SLCO4C1: variants seen among roughly 807,000 people sequenced by gnomAD.
SLCO4C1 encodes the protein organic anion transporter M1.
A neutral mutation model predicts 72.1 loss-of-function variants in SLCO4C1; 58 were observed. That is an observed-to-expected ratio of 0.80 (90% CI 0.65 to 1.00). SLCO4C1 has a LOEUF of 1.00. Among genes scored for constraint, SLCO4C1 ranks in the 50% least tolerant of loss-of-function variants. The pLI is 0.00. For synonymous variants in SLCO4C1, 297 were observed against 312.5 expected, an observed-to-expected ratio of 0.95 and a Z score of 0.52; for missense variants, 898 against 857.9, an observed-to-expected ratio of 1.05 and a Z score of -0.58.
intron 12 of SLCO4C1, among the ~76,000 whole-genome samples, chr5:102,238,773 G>T (rs1468017473): frequency 6.6e-6 from 1 of 151,962 alleles, no homozygotes; most frequent in Non-Finnish European, 1.5e-5. Flanking sequence ...ATTACAAACT[G>T]CAAAAGGCAA....
rs1748428357 is a variant in SLCO4C1, at chr5:102,236,127, A to G, written c.*731T>C. 1 of 152,214 alleles carries G rather than the reference A, an allele frequency of 6.6e-6. No individual in the cohort carries two copies. The highest frequency in any genetic ancestry group is 1.5e-5 in the Non-Finnish European group (1 of 68,038). The allele number at this position is 152,214 out of a possible 1,614,324, so 9.4% of individuals were successfully genotyped here. Reference sequence around the variant, plus strand: ...TATCACAGAATCATAAATGTGTTAAAAATTGTAATATCAACAAATTACCTC... The same window carrying G: ...TATCACAGAATCATAAATGTGTTAAGAATTGTAATATCAACAAATTACCTC... On this transcript the variant is annotated 3_prime_UTR_variant, in exon 13 of 13. Transcript: ENST00000310954.
At position 102,263,678 on chromosome 5, in the gene SLCO4C1, C is replaced by T. The variant is rs746127211; in HGVS notation, c.899+6G>A. 6.2e-7 allele frequency: 1 copy of T among 1,606,300 alleles called. No individual in the cohort carries two copies. The highest frequency in any genetic ancestry group is 8.5e-7 in the Non-Finnish European group (1 of 1,175,654). ...TTAAATAAAAGAAAAATAGATACTG[C>T]CTTGCCTTTCTCCCATAGCAACATC... On this transcript the variant is annotated splice_donor_region_variant and intron_variant, in intron 4 of 12. Coordinates refer to ENST00000310954, the MANE Select transcript of SLCO4C1 (RefSeq NM_180991.5).
At chr5:102,262,837 C>T (rs1196022497) in intron 4 of SLCO4C1, among the ~76,000 whole-genome samples, 3 of 152,142 alleles carry the variant, frequency 2.0e-5, no homozygotes, top group Non-Finnish European at 4.4e-5. Context: ...CTTCTGCATG[C>T]CTTTTTATAG....
At chr5:102,292,548 C>T (rs1306516418) in intron 1 of SLCO4C1, among the ~76,000 whole-genome samples, 1 of 152,108 alleles carries the variant, frequency 6.6e-6, no homozygotes, top group Non-Finnish European at 1.5e-5. Flanking sequence ...AACATTCTTA[C>T]AGATATTAAA....
In SLCO4C1 at chr5:102,235,309, C is replaced by T. The variant is rs975959666; in HGVS notation, c.*1549G>A. 9 of 152,116 alleles carry T rather than the reference C, an allele frequency of 5.9e-5. No homozygotes were observed. Among genetic ancestry groups the T allele is most frequent in the Non-Finnish European group, 1.3e-4 (9 of 68,020 alleles). The allele number at this position is 152,116 out of a possible 1,614,324, so 9.4% of individuals were successfully genotyped here. A position where few individuals can be genotyped will look rare whatever the true frequency, so the allele number is the denominator to read the frequency against. ...CTAGGAGAAAGCTTATAGGGGAAAC[C>T]TGATGATGAATTTTATTAAATTAAT... is the stretch of plus-strand genomic sequence containing the variant. On this transcript the variant is annotated 3_prime_UTR_variant, in exon 13 of 13. Coordinates refer to ENST00000310954, the MANE Select transcript of SLCO4C1 (RefSeq NM_180991.5).
chr5:102,262,611 T>C (rs1340657337), intron 4 of SLCO4C1, among the ~76,000 whole-genome samples: 1 of 152,100 alleles, frequency 6.6e-6, no homozygotes, highest in Non-Finnish European at 1.5e-5. Context: ...TAGCTGGGAC[T>C]TCAGGCACAA....
intron 2 of SLCO4C1, among the ~76,000 whole-genome samples, chr5:102,279,968 A>C (rs1234035445): frequency 6.6e-6 from 1 of 151,932 alleles, no homozygotes; most frequent in Admixed American, 6.6e-5. Context: ...TATTTATAAA[A>C]ACATGCAGCA....
intron 10 of SLCO4C1, among the ~76,000 whole-genome samples, 163 bp downstream of exon 10, chr5:102,247,089 G>A (rs956990325): frequency 3.9e-5 from 6 of 152,068 alleles, no homozygotes; most frequent in Non-Finnish European, 7.4e-5. Flanking sequence ...TACATCTGGG[G>A]TTCTACAGAG....
At position 102,249,407 on chromosome 5, in the gene SLCO4C1, C is replaced by A. The variant is rs147883094; in HGVS notation, c.1620+231G>T. Among the ~76,000 whole-genome samples, 206 of 152,194 alleles carry A rather than the reference C, an allele frequency of 1.4e-3. 3 individuals carry two copies. The East Asian group carries it at 0.031, about 23-fold the overall frequency. ...AAAGGTAAAAGATATTTCATAACTG[C>A]AACAAAGTGATGTTACTAAAATGTT... On this transcript the variant is annotated intron_variant, in intron 9 of 12. Coordinates refer to ENST00000310954, the MANE Select transcript of SLCO4C1 (RefSeq NM_180991.5).
At position 102,235,000 on chromosome 5, in the gene SLCO4C1, A is replaced by G. The variant is rs1456371241; in HGVS notation, c.*1858T>C. 1 of 152,026 alleles carries G rather than the reference A, an allele frequency of 6.6e-6. No homozygotes were observed. The highest frequency in any genetic ancestry group is 1.5e-5 in the Non-Finnish European group (1 of 68,016). 9.4% of individuals were successfully genotyped at this position (152,026 alleles called of 1,614,324 possible). A position where few individuals can be genotyped will look rare whatever the true frequency, so the allele number is the denominator to read the frequency against. ...TTTGGCTTCCGTCTTTGGTGTTTAT[A>G]TCTGTCTGGTTTTAGCAGGTCTCTC... On this transcript the variant is annotated 3_prime_UTR_variant, in exon 13 of 13. Coordinates refer to ENST00000310954, the MANE Select transcript of SLCO4C1 (RefSeq NM_180991.5).
At chr5:102,280,306 C>T (rs572658899) in intron 2 of SLCO4C1, among the ~76,000 whole-genome samples, 1 of 151,336 alleles carries the variant, frequency 6.6e-6, no homozygotes, top group Non-Finnish European at 1.5e-5. Context: ...CATATACTGG[C>T]AATGAACATA....
chr5:102,242,630 C>T (rs1462762864), intron 10 of SLCO4C1, among the ~76,000 whole-genome samples: 1 of 152,120 alleles, frequency 6.6e-6, no homozygotes, highest in Non-Finnish European at 1.5e-5. Flanking sequence ...GAAGGAAATA[C>T]ACCAGTCCTG....
intron 2 of SLCO4C1, among the ~76,000 whole-genome samples, chr5:102,288,971 G>A (rs1402282317): frequency 6.6e-6 from 1 of 152,108 alleles, no homozygotes; most frequent in Admixed American, 6.6e-5. Flanking sequence ...TTTTACTGGT[G>A]TTATCTCAAC....
At chr5:102,285,937 T>C (rs929085584) in intron 2 of SLCO4C1, among the ~76,000 whole-genome samples, 22 of 152,136 alleles carry the variant, frequency 1.4e-4, no homozygotes, top group African/African-American at 4.8e-4. Context: ...TGAAAACCTC[T>C]AAAATTCTTT....
At position 102,233,988 on chromosome 5, in the gene SLCO4C1, T is replaced by C. The variant is rs139650162; in HGVS notation, c.*2870A>G. On this transcript the variant is annotated 3_prime_UTR_variant, in exon 13 of 13. Transcript: ENST00000310954. ...TTTAATAAGCTCAAACACGACAATT[T>C]TGTATAAACATTCTGATTTAATAAA... is the stretch of plus-strand genomic sequence containing the variant. 4 of 152,248 alleles carry C rather than the reference T, an allele frequency of 2.6e-5. No individual in the cohort carries two copies. In the East Asian group the frequency reaches 7.7e-4, roughly 29 times the overall value. The allele number at this position is 152,248 out of a possible 1,614,324, so 9.4% of individuals were successfully genotyped here. A position where few individuals can be genotyped will look rare whatever the true frequency, so the allele number is the denominator to read the frequency against.
At chr5:102,263,582 C>T in intron 4 of SLCO4C1, 102 bp downstream of exon 4, 4 of 834,862 alleles carry the variant, frequency 4.8e-6, no homozygotes, top group Non-Finnish European at 7.4e-6. Context: ...AATAATTCCT[C>T]ATGCTATACT....
chr5:102,295,623 TG>T (rs1561384958), intron 1 of SLCO4C1, among the ~76,000 whole-genome samples: 1 of 152,256 alleles, frequency 6.6e-6, no homozygotes, highest in Non-Finnish European at 1.5e-5. Context: ...TAATCTTCCC[TG>T]TAAGTCTTGA....
At chr5:102,258,670 T>C (rs1382972625) in intron 6 of SLCO4C1, among the ~76,000 whole-genome samples, 1 of 152,056 alleles carries the variant, frequency 6.6e-6, no homozygotes, top group Non-Finnish European at 1.5e-5. Context: ...TGTTAATACA[T>C]TTAACCACAA....
chr5:102,258,229 CTA>C, intron 6 of SLCO4C1, 142 bp from the exon 7 acceptor site: 3 of 577,294 alleles, frequency 5.2e-6, no homozygotes, highest in Non-Finnish European at 8.6e-6. Context: ...AAAAATATAA[CTA>C]TGGATAATTA....
Sources: allele counts gnomAD v4.1 joint callset (sites outside exome capture counted in the v4.1 genomes callset), GRCh38; gene constraint gnomAD v4.1.1; transcripts MANE v1.5; gene names NCBI Gene and HGNC (gene_info 2026-07-23, HGNC 2026-07-21).